Variants in SPDYA observed in about 807,000 individuals in gnomAD.
SPDYA encodes speedy/RINGO cell cycle regulator family member A, also known as speedy protein A.
A neutral mutation model predicts 36.7 loss-of-function variants in SPDYA; 11 were observed. The ratio of observed to expected loss-of-function variants is 0.30; its 90% confidence interval spans 0.19 to 0.50. The LOEUF is 0.50. SPDYA is among the 20% of genes least tolerant of loss of function. The pLI is 0.98. For missense variants in SPDYA, 287 were observed against 370.9 expected, an observed-to-expected ratio of 0.77 and a Z score of 1.86; for synonymous variants, 115 against 118.7, an observed-to-expected ratio of 0.97 and a Z score of 0.20.
chr2:28,834,563 C>G (rs1310578744), intron 6 of SPDYA, among the ~76,000 whole-genome samples: 1 of 152,198 alleles, frequency 6.6e-6, no homozygotes, highest in East Asian at 1.9e-4. Context: ...GTACCTGGTT[C>G]AAGCTACAAC....
At chr2:28,832,304 G>A (rs1258193365) in intron 6 of SPDYA, among the ~76,000 whole-genome samples, 2 of 152,088 alleles carry the variant, frequency 1.3e-5, no homozygotes, top group African/African-American at 4.8e-5. Context: ...ATTTCTTCCT[G>A]AAACACTGTC....
intron 4 of SPDYA, among the ~76,000 whole-genome samples, chr2:28,821,139 G>A (rs1323215541): frequency 1.4e-5 from 2 of 146,762 alleles, no homozygotes; most frequent in Admixed American, 6.8e-5. Context: ...CAGTAATGCT[G>A]TAATATCAAA....
chr2:28,839,563 G>A (rs887800301), intron 6 of SPDYA, among the ~76,000 whole-genome samples: 2 of 152,046 alleles, frequency 1.3e-5, no homozygotes, highest in South Asian at 2.1e-4. Flanking sequence ...GTGCAGTGAC[G>A]CGATCTCGGC....
In SPDYA at chr2:28,816,189, C is replaced by T. The variant is rs896742308; in HGVS notation, c.175C>T (p.Pro59Ser). 8 of 1,613,734 alleles carry T rather than the reference C, an allele frequency of 5.0e-6. No individual in the cohort carries two copies. In the African/African-American group the frequency reaches 8.0e-5, roughly 16 times the overall value. Reference sequence around the variant, plus strand: ...ACATAATAACAACAAATCTAAACGCCCCAAAGGACCTTGTCTGGTTATACA... The same window carrying T: ...ACATAATAACAACAAATCTAAACGCTCCAAAGGACCTTGTCTGGTTATACA... ...NTHNNNKSKR[P>S]KGPCLVIQRQ... The change falls in exon 3 of 8, where the codon CCC becomes TCC. Residue 59 changes from proline (P) to serine (S), a missense_variant. Transcript: ENST00000334056.
chr2:28,817,734 C>T (rs1292823718), intron 3 of SPDYA, among the ~76,000 whole-genome samples: 2 of 150,868 alleles, frequency 1.3e-5, no homozygotes, highest in African/African-American at 2.4e-5. Flanking sequence ...GCCTGTAATC[C>T]CAGCTACTTG....
intron 5 of SPDYA, among the ~76,000 whole-genome samples, chr2:28,825,517 A>G (rs1017879418): frequency 6.6e-6 from 1 of 152,174 alleles, no homozygotes; most frequent in Admixed American, 6.5e-5. Context: ...TTTCTCAGCC[A>G]TAGTTCTAAA....
At chr2:28,817,836 A>G (rs1019042439) in intron 3 of SPDYA, among the ~76,000 whole-genome samples, 5 of 118,992 alleles carry the variant, frequency 4.2e-5, no homozygotes, top group African/African-American at 6.5e-5. Flanking sequence ...TGGGTGACAG[A>G]GCAAGACTCT....
chr2:28,841,027 C>A (rs1016912259), intron 7 of SPDYA, among the ~76,000 whole-genome samples: 3 of 151,218 alleles, frequency 2.0e-5, no homozygotes, highest in African/African-American at 7.3e-5. Flanking sequence ...CTCCGCCTCC[C>A]AGGTTCGGGT....
At chr2:28,819,983 C>T (rs539860261) in intron 4 of SPDYA, among the ~76,000 whole-genome samples, 31 of 148,324 alleles carry the variant, frequency 2.1e-4, no homozygotes, top group African/African-American at 7.3e-4. Context: ...TGCACTCCAG[C>T]CTGGGTGACA....
chr2:28,824,450 T>C (rs1267915137), intron 5 of SPDYA, among the ~76,000 whole-genome samples: 1 of 123,388 alleles, frequency 8.1e-6, no homozygotes, highest in Non-Finnish European at 1.6e-5. Context: ...TACTCCAGCC[T>C]GGGCAACAGA....
At chr2:28,828,840 G>A (rs1023054795) in intron 5 of SPDYA, among the ~76,000 whole-genome samples, 1 of 152,122 alleles carries the variant, frequency 6.6e-6, no homozygotes, top group Non-Finnish European at 1.5e-5. Context: ...GGAATAACTA[G>A]CCCCAGACTG....
At position 28,830,402 on chromosome 2, in the gene SPDYA, G is replaced by A. The variant is rs187291598; in HGVS notation, c.552+1083G>A. 4.0e-3 allele frequency among the ~76,000 whole-genome samples: 610 copies of A among 151,792 alleles called. 6 individuals are homozygous for A. The highest frequency in any genetic ancestry group is 0.014 in the African/African-American group (567 of 41,424). ...GTATTTTTAGTAGAGACGGGGTTTC[G>A]CCGTGTTAGCCAGGATAGTGTCAAT... is the stretch of plus-strand genomic sequence containing the variant. On this transcript the variant is annotated intron_variant, in intron 6 of 7. Transcript: ENST00000334056.
chr2:28,816,317 T>A, intron 3 of SPDYA, 68 bp downstream of exon 3: 1 of 1,174,202 alleles, frequency 8.5e-7, no homozygotes. Context: ...AACATCTAAA[T>A]GTTTTTATTC....
At chr2:28,830,757 GTTTCC>G (rs1485663805) in intron 6 of SPDYA, among the ~76,000 whole-genome samples, 1 of 152,034 alleles carries the variant, frequency 6.6e-6, no homozygotes. Flanking sequence ...AGAATATATT[GTTTCC>G]TTAATGCCAA....
chr2:28,849,986 C>T lies in SPDYA; in HGVS notation c.*45C>T. On this transcript the variant is annotated 3_prime_UTR_variant, in exon 8 of 8. Transcript: ENST00000334056. ...TTTGGAATCATTAACTACAAAATGT[C>T]AAACTAACTGCAAGACAAGTGTCAA... 7.0e-7 allele frequency: 1 copy of T among 1,420,544 alleles called. No homozygotes were observed. Among genetic ancestry groups the T allele is most frequent in the Non-Finnish European group, 9.8e-7 (1 of 1,023,288 alleles). The allele number at this position is 1,420,544 out of a possible 1,614,324, so 88.0% of individuals were successfully genotyped here. A position where few individuals can be genotyped will look rare whatever the true frequency, so the allele number is the denominator to read the frequency against.
Position 28,850,168 on chromosome 2 carries a change from T to A in SPDYA, c.*227T>A. ...AAAGTTCTATTTTGATATTTTTCCA[T>A]CTTCAAGTCAGTTACTGTCATCTGG... On this transcript the variant is annotated 3_prime_UTR_variant, in exon 8 of 8. Coordinates refer to ENST00000334056, the MANE Select transcript of SPDYA (RefSeq NM_182756.4). 1.3e-6 allele frequency: 2 copies of A among 1,589,432 alleles called. No homozygotes were observed. Among genetic ancestry groups the A allele is most frequent in the Non-Finnish European group, 8.6e-7 (1 of 1,166,148 alleles).
At position 28,816,115 on chromosome 2, in the gene SPDYA, T is replaced by C; in HGVS notation, c.101T>C (p.Leu34Pro). ...CATCAGCCTAAAAAGCCCATTACTCTGAAGCGTCCTATTTGTAAAGATAAT... is the reference window on the plus strand; with the variant it reads ...CATCAGCCTAAAAAGCCCATTACTCCGAAGCGTCCTATTTGTAAAGATAAT... ...RSHQPKKPIT[L>P]KRPICKDNWQ... The change falls in exon 3 of 8, where the codon CTG becomes CCG. Residue 34 changes from leucine to proline, a missense_variant. By Grantham distance (98) the Leu-to-Pro change is moderately conservative (BLOSUM62 -3). Coordinates refer to ENST00000334056, the MANE Select transcript of SPDYA (RefSeq NM_182756.4). 6.2e-7 allele frequency: 1 copy of C among 1,614,074 alleles called. No homozygotes were observed. The highest frequency in any genetic ancestry group is 2.2e-5 in the East Asian group (1 of 44,862).
intron 6 of SPDYA, among the ~76,000 whole-genome samples, chr2:28,830,200 C>CTTT (rs573724918): frequency 6.4e-5 from 7 of 108,740 alleles, no homozygotes; most frequent in East Asian, 2.6e-4. Flanking sequence ...ATAGTAAGTA[C>CTTT]TTTTTTTTTT....
chr2:28,849,832 A>G lies in SPDYA; in HGVS notation c.851-18A>G, dbSNP rs113746661. The G allele has an allele frequency of 1.9e-3, 2,712 of 1,392,238 alleles. 9 individuals are homozygous for G. Among genetic ancestry groups the G allele is most frequent in the Non-Finnish European group, 2.3e-3 (2,324 of 1,005,306 alleles). The allele number at this position is 1,392,238 out of a possible 1,614,324, so 86.2% of individuals were successfully genotyped here. A position where few individuals can be genotyped will look rare whatever the true frequency, so the allele number is the denominator to read the frequency against. On this transcript the variant is annotated intron_variant, in intron 7 of 7. Coordinates refer to ENST00000334056, the MANE Select transcript of SPDYA (RefSeq NM_182756.4). ...ACAGATACATAAAATTTATCTTAAA[A>G]TGCATATTTTATTTCAGTAGTCAAT...
Sources: gnomAD v4.1 joint callset for allele counts (sites outside exome capture counted in the v4.1 genomes callset) on GRCh38, gnomAD v4.1.1 for gene constraint, MANE v1.5 for transcripts, NCBI Gene and HGNC (gene_info 2026-07-23, HGNC 2026-07-21) for gene names.